Variants in KIAA1328 observed in about 807,000 individuals in gnomAD.
KIAA1328 encodes the protein KIAA1328.
A neutral mutation model predicts 68.1 loss-of-function variants in KIAA1328; 52 were observed. The ratio of observed to expected loss-of-function variants is 0.76; its 90% CI spans 0.61 to 0.96. KIAA1328 has a LOEUF of 0.96. KIAA1328 is among the 40% of genes least tolerant of loss of function. KIAA1328 has a pLI of 0.00. For missense variants in KIAA1328, 641 were observed against 677.6 expected (o/e 0.95, Z 0.60); for synonymous variants, 232 against 239.4 (o/e 0.97, Z 0.28).
intron 6 of KIAA1328, among the ~76,000 whole-genome samples, chr18:37,046,805 A>G (rs1411282008): frequency 6.6e-6 from 1 of 152,222 alleles, no homozygotes; most frequent in Admixed American, 6.5e-5. Context: ...TACAAATTTT[A>G]GAAAGGTTGT....
intron 7 of KIAA1328, among the ~76,000 whole-genome samples, chr18:37,117,677 A>G (rs2058152733): frequency 1.3e-5 from 2 of 152,112 alleles, no homozygotes; most frequent in African/African-American, 2.4e-5. Context: ...ACTTCCACCT[A>G]AGATGATACA....
chr18:36,999,089 C>G (rs942125788), intron 6 of KIAA1328, among the ~76,000 whole-genome samples: 1 of 151,920 alleles, frequency 6.6e-6, no homozygotes, highest in African/African-American at 2.4e-5. Context: ...TTAAAAGGAA[C>G]CAAACAGAAA....
intron 7 of KIAA1328, among the ~76,000 whole-genome samples, chr18:37,118,096 G>T (rs993004164): frequency 1.3e-5 from 2 of 150,602 alleles, no homozygotes; most frequent in African/African-American, 4.9e-5. Context: ...TTGGGCCCTA[G>T]CAATCCTCCC....
At chr18:36,896,188 A>G (rs1343896794) in intron 5 of KIAA1328, among the ~76,000 whole-genome samples, 1 of 152,066 alleles carries the variant, frequency 6.6e-6, no homozygotes, top group African/African-American at 2.4e-5. Flanking sequence ...TTCTCTGATC[A>G]TTTTAGCTTT....
At chr18:37,135,573 A>G (rs2058625526) in intron 7 of KIAA1328, among the ~76,000 whole-genome samples, 1 of 152,044 alleles carries the variant, frequency 6.6e-6, no homozygotes, top group African/African-American at 2.4e-5. Flanking sequence ...CTCTCTATAG[A>G]TTCTGAATAT....
intron 6 of KIAA1328, among the ~76,000 whole-genome samples, chr18:37,047,695 A>G (rs2055530045): frequency 6.6e-6 from 1 of 152,190 alleles, no homozygotes; most frequent in African/African-American, 2.4e-5. Flanking sequence ...TGCCCTCACT[A>G]AAGGCAAAAC....
At chr18:37,016,124 A>T (rs901840771) in intron 6 of KIAA1328, among the ~76,000 whole-genome samples, 20 of 152,200 alleles carry the variant, frequency 1.3e-4, no homozygotes, top group Admixed American at 2.6e-4. Flanking sequence ...GCATGGTGAT[A>T]GTTGTAGCTT....
At chr18:37,155,292 A>G (rs1035866159) in intron 7 of KIAA1328, among the ~76,000 whole-genome samples, 1 of 152,148 alleles carries the variant, frequency 6.6e-6, no homozygotes, top group Non-Finnish European at 1.5e-5. Context: ...CACTTAGCCA[A>G]TAGCAAAAAG....
chr18:37,216,059 C>T (rs1403865621), intron 9 of KIAA1328, among the ~76,000 whole-genome samples: 1 of 152,040 alleles, frequency 6.6e-6, no homozygotes, highest in Non-Finnish European at 1.5e-5. Flanking sequence ...ATTAATCTTG[C>T]TATTGGTCTA....
intron 5 of KIAA1328, among the ~76,000 whole-genome samples, chr18:36,939,409 A>G (rs1307933488): frequency 6.6e-6 from 1 of 152,086 alleles, no homozygotes; most frequent in African/African-American, 2.4e-5. Context: ...TTGTCAGTGT[A>G]AAGAAGTGTT....
At chr18:36,905,475 T>C (rs1231377182) in intron 5 of KIAA1328, among the ~76,000 whole-genome samples, 1 of 152,120 alleles carries the variant, frequency 6.6e-6, no homozygotes, top group East Asian at 1.9e-4. Context: ...CTTTGTATAG[T>C]CCACATTTTT....
At chr18:36,973,382 G>A (rs1156865837) in intron 6 of KIAA1328, among the ~76,000 whole-genome samples, 2 of 152,016 alleles carry the variant, frequency 1.3e-5, no homozygotes, top group African/African-American at 4.8e-5. Flanking sequence ...TAAATGACGA[G>A]TTAACGGGTG....
intron 7 of KIAA1328, among the ~76,000 whole-genome samples, chr18:37,142,244 T>C (rs1445332119): frequency 1.3e-5 from 2 of 152,168 alleles, no homozygotes; most frequent in Non-Finnish European, 2.9e-5. Context: ...CAGGCCGGAT[T>C]GCAGTGGCGT....
chr18:37,053,478 A>G (rs2055784247), intron 6 of KIAA1328, among the ~76,000 whole-genome samples: 1 of 152,196 alleles, frequency 6.6e-6, no homozygotes, highest in Non-Finnish European at 1.5e-5. Flanking sequence ...AAATAAAAAT[A>G]TATGAATGGG....
intron 5 of KIAA1328, among the ~76,000 whole-genome samples, chr18:36,894,565 A>T (rs1189843070): frequency 6.6e-6 from 1 of 151,806 alleles, no homozygotes; most frequent in Non-Finnish European, 1.5e-5. Context: ...TTACCAGGTC[A>T]TCTAGTTGGA....
intron 5 of KIAA1328, among the ~76,000 whole-genome samples, chr18:36,888,880 A>T (rs2048588150): frequency 6.6e-6 from 1 of 152,238 alleles, no homozygotes; most frequent in Non-Finnish European, 1.5e-5. Flanking sequence ...ATAATTTCAG[A>T]TCATTTTAAA....
Position 37,043,037 on chromosome 18 carries a change from CA to C in KIAA1328, c.577-23852del, listed in dbSNP as rs1040586185. ...TGTTGAGACCACCTTCTGAATTTTG[CA>C]CTTAATTTTTTGTACTTTTCAATGC... On this transcript the variant is annotated intron_variant, in intron 6 of 9. Transcript: ENST00000280020. 7.2e-5 allele frequency among the ~76,000 whole-genome samples: 11 copies of C among 152,162 alleles called. No homozygotes were observed. The South Asian group carries it at 2.3e-3, about 32-fold the overall frequency.
At chr18:37,226,075 A>G (rs868173129), downstream of KIAA1328, among the ~76,000 whole-genome samples, 8 of 152,094 alleles carry the variant, frequency 5.3e-5, no homozygotes, top group Non-Finnish European at 1.0e-4. Flanking sequence ...AGCTAACTTT[A>G]TCATCCCTTC....
At chr18:37,014,186 T>C (rs986882293) in intron 6 of KIAA1328, among the ~76,000 whole-genome samples, 7 of 152,212 alleles carry the variant, frequency 4.6e-5, no homozygotes, top group Non-Finnish European at 8.8e-5. Context: ...TTTTTTATGA[T>C]GGCATTTGGT....
Sources: allele counts gnomAD v4.1 joint callset (sites outside exome capture counted in the v4.1 genomes callset), GRCh38; gene constraint gnomAD v4.1.1; transcripts MANE v1.5; gene names NCBI Gene and HGNC (gene_info 2026-07-23, HGNC 2026-07-21).